Variants in C17orf99 observed in about 807,000 individuals in gnomAD.
The protein encoded by C17orf99 is chromosome 17 open reading frame 99, also known as protein IL-40.
Under a neutral mutation model 22.6 loss-of-function variants are expected in C17orf99, and 18 were observed. That is an observed-to-expected ratio of 0.80 (90% CI 0.55 to 1.18). C17orf99 has a LOEUF of 1.18. Ranked by LOEUF, C17orf99 falls within the 50% of genes most tolerant of loss-of-function variation. The pLI is 0.00. For synonymous variants in C17orf99, 147 were observed against 136.6 expected (o/e 1.08, Z -0.53); for missense variants, 328 against 342.7 (o/e 0.96, Z 0.34).
At chr17:78,156,484 G>A (rs1158295654) in intron 2 of C17orf99, among the ~76,000 whole-genome samples, 1 of 152,132 alleles carries the variant, frequency 6.6e-6, no homozygotes, top group Non-Finnish European at 1.5e-5. Context: ...CCTGGCGTAG[G>A]TGGGTGAAGG....
In C17orf99 at chr17:78,146,528, A is replaced by G. The variant is rs1009610905; in HGVS notation, c.37+84A>G. 21 of 1,266,416 alleles carry G rather than the reference A, an allele frequency of 1.7e-5. No homozygotes were observed. 78.4% of individuals were successfully genotyped at this position (1,266,416 alleles called of 1,614,324 possible). On this transcript the variant is annotated intron_variant, in intron 1 of 4. Transcript: ENST00000340363. This position sits in a 1 kb window ranked among gnomAD's most constrained non-coding sequence, Gnocchi z 5.2. ...CAGGTGGGGGTACTGGGAGCACAGG[A>G]GAGATGAGGCCTGAAGGAAGGGCAC...
intron 2 of C17orf99, among the ~76,000 whole-genome samples, chr17:78,149,941 C>T (rs2075467575): frequency 6.6e-6 from 1 of 151,932 alleles, no homozygotes; most frequent in Non-Finnish European, 1.5e-5. Context: ...GATCGCTTGA[C>T]CTCGTGATCT....
chr17:78,157,497 T>G, intron 2 of C17orf99: 1 of 1,238,830 alleles, frequency 8.1e-7, no homozygotes, highest in Non-Finnish European at 1.1e-6. Flanking sequence ...TCCTCAGCAT[T>G]GTGTAAAAAT....
chr17:78,161,810 C>G (rs2145797054), intron 3 of C17orf99, among the ~76,000 whole-genome samples: 1 of 149,416 alleles, frequency 6.7e-6, no homozygotes, highest in African/African-American at 2.5e-5. Flanking sequence ...CGCCACTGTA[C>G]TCCAGCCTGG....
chr17:78,150,717 C>T (rs544681089), intron 2 of C17orf99, among the ~76,000 whole-genome samples: 2 of 152,244 alleles, frequency 1.3e-5, no homozygotes, highest in African/African-American at 4.8e-5. Context: ...AAGGGGTAGA[C>T]AGGGCTCTGG....
At chr17:78,146,270 C>G (rs1598937543), upstream of C17orf99, 1 of 695,038 alleles carries the variant, frequency 1.4e-6, no homozygotes, top group East Asian at 2.9e-5. The surrounding 1 kb of genome is among the most constrained non-coding windows in gnomAD (Gnocchi z 5.2). Flanking sequence ...TAGCTGAGGC[C>G]CTGGGGTGCT....
chr17:78,151,706 A>G (rs746742179), intron 2 of C17orf99, among the ~76,000 whole-genome samples: 7 of 152,138 alleles, frequency 4.6e-5, no homozygotes, highest in Non-Finnish European at 1.0e-4. Context: ...TGGAGTTAAT[A>G]TTTAACATGA....
intron 3 of C17orf99, among the ~76,000 whole-genome samples, chr17:78,162,306 C>T (rs1258472066): frequency 6.6e-6 from 1 of 150,960 alleles, no homozygotes. Context: ...CGCCCCAGGC[C>T]ACATGGCTGG....
At chr17:78,157,409 A>C in intron 2 of C17orf99, 2 of 1,280,226 alleles carry the variant, frequency 1.6e-6, no homozygotes, top group South Asian at 2.4e-5. Context: ...GCGAGTTGGA[A>C]TCGAAGCCTC....
chr17:78,154,591 C>T (rs974288885), intron 2 of C17orf99, among the ~76,000 whole-genome samples: 1 of 138,710 alleles, frequency 7.2e-6, no homozygotes, highest in Non-Finnish European at 1.5e-5. Flanking sequence ...ACCTGTAATC[C>T]CAGCACTTTG....
Position 78,146,527 on chromosome 17 carries a change from G to T in C17orf99, c.37+83G>T. On this transcript the variant is annotated intron_variant, in intron 1 of 4. Coordinates refer to ENST00000340363, the MANE Select transcript of C17orf99 (RefSeq NM_001163075.2). The surrounding 1 kb of genome is among the most constrained non-coding windows in gnomAD (Gnocchi z 5.2). ...TCAGGTGGGGGTACTGGGAGCACAG[G>T]AGAGATGAGGCCTGAAGGAAGGGCA... is the stretch of plus-strand genomic sequence containing the variant. 1 of 1,264,720 alleles carries T rather than the reference G, an allele frequency of 7.9e-7. No individual in the cohort carries two copies. The allele number at this position is 1,264,720 out of a possible 1,614,324, so 78.3% of individuals were successfully genotyped here.
chr17:78,153,637 T>A (rs759920085), intron 2 of C17orf99, among the ~76,000 whole-genome samples: 28 of 152,182 alleles, frequency 1.8e-4, no homozygotes, highest in Non-Finnish European at 3.4e-4. Flanking sequence ...TAAGTCAAGA[T>A]CGTTTCCCTT....
intron 3 of C17orf99, among the ~76,000 whole-genome samples, chr17:78,161,524 G>T (rs2075576526): frequency 6.6e-6 from 1 of 152,116 alleles, no homozygotes; most frequent in South Asian, 2.1e-4. Context: ...TGGCAGAAAT[G>T]ACTGGGCCCC....
Position 78,146,411 on chromosome 17 carries a change from G to A in C17orf99, c.4G>A (p.Gly2Arg). MGLPGLFCLAVL... is the reference protein window; with the variant it reads MRLPGLFCLAVL... ...GAGGCCCTACACCCACCGAGGCATG[G>A]GGCTCCCTGGGCTGTTCTGCTTGGC... The change falls in exon 1 of 5, where the codon GGG becomes AGG. Residue 2 changes from glycine (G) to arginine (R), a missense_variant. Physicochemically the swap from Gly to Arg is moderately radical, Grantham distance 125 (BLOSUM62 -2). Coordinates refer to ENST00000340363, the MANE Select transcript of C17orf99 (RefSeq NM_001163075.2). The surrounding 1 kb of genome is among the most constrained non-coding windows in gnomAD (Gnocchi z 5.2). The A allele has an allele frequency of 6.4e-7, 1 of 1,550,390 alleles. No homozygotes were observed.
At chr17:78,164,463 T>A in intron 4 of C17orf99, 99 bp downstream of exon 4, 1 of 1,547,156 alleles carries the variant, frequency 6.5e-7, no homozygotes, top group African/African-American at 1.4e-5. Flanking sequence ...GGGACAGCTC[T>A]ACCCGGCCAC....
chr17:78,151,274 A>C (rs1453723369), intron 2 of C17orf99, among the ~76,000 whole-genome samples: 1 of 146,502 alleles, frequency 6.8e-6, no homozygotes, highest in East Asian at 2.0e-4. Flanking sequence ...AAAATGCAAC[A>C]ATCAGCCAGG....
Position 78,166,199 on chromosome 17 carries a change from G to A in C17orf99, c.*153G>A, listed in dbSNP as rs970481491. The A allele has an allele frequency of 1.3e-5, 5 of 396,796 alleles. No homozygotes were observed. The highest frequency in any genetic ancestry group is 1.0e-4 in the African/African-American group (5 of 48,278). The allele number at this position is 396,796 out of a possible 1,614,324, so 24.6% of individuals were successfully genotyped here. Reference sequence around the variant, plus strand: ...AAAAGGGTAACTATGAGAGATGGTGGATATGTTAACTTGCTTCGCTATAGG... The same window carrying A: ...AAAAGGGTAACTATGAGAGATGGTGAATATGTTAACTTGCTTCGCTATAGG... On this transcript the variant is annotated 3_prime_UTR_variant, in exon 5 of 5. Transcript: ENST00000340363.
chr17:78,160,890 A>G (rs1339303931), intron 2 of C17orf99, 65 bp from the exon 3 acceptor site: 1 of 1,377,838 alleles, frequency 7.3e-7, no homozygotes, highest in South Asian at 1.4e-5. Flanking sequence ...CCAAACCAGT[A>G]CCTTCTTAAG....
chr17:78,161,377 C>G (rs1326888806), intron 3 of C17orf99, 123 bp downstream of exon 3: 5 of 842,310 alleles, frequency 5.9e-6, no homozygotes, highest in Non-Finnish European at 9.1e-6. Context: ...AGGGTGTGGA[C>G]AAGGACAGGC....
Sources: allele counts gnomAD v4.1 joint callset (sites outside exome capture counted in the v4.1 genomes callset), GRCh38; gene constraint gnomAD v4.1.1; non-coding constraint Gnocchi (gnomAD v3.1); transcripts MANE v1.5; gene names NCBI Gene and HGNC (gene_info 2026-07-23, HGNC 2026-07-21).